Variants in DZANK1 observed in about 807,000 individuals in gnomAD.
The protein encoded by DZANK1 is double zinc ribbon and ankyrin repeat domains 1.
Under a neutral mutation model 94.5 loss-of-function variants are expected in DZANK1, and 91 were observed. The ratio of observed to expected loss-of-function variants is 0.96; its 90% CI spans 0.81 to 1.15. The LOEUF (loss-of-function observed/expected upper bound fraction) is 1.15. Among genes scored for constraint, DZANK1 ranks in the 50% most tolerant of loss-of-function variants. DZANK1 has a pLI of 0.00. For missense variants in DZANK1, 903 were observed against 916.4 expected (o/e 0.99, Z 0.19); for synonymous variants, 312 against 325.3 (o/e 0.96, Z 0.44).
At chr20:18,385,478 T>G (rs2048427704) in intron 19 of DZANK1, among the ~76,000 whole-genome samples, 1 of 151,328 alleles carries the variant, frequency 6.6e-6, no homozygotes, top group Admixed American at 6.6e-5. Flanking sequence ...TGCAGTGGTG[T>G]GATCTCGGCT....
intron 3 of DZANK1, among the ~76,000 whole-genome samples, chr20:18,456,908 C>G (rs894526436): frequency 7.9e-5 from 12 of 152,110 alleles, no homozygotes; most frequent in African/African-American, 2.9e-4. Context: ...GTTTTCATTT[C>G]TCTTCAATAG....
At chr20:18,414,790 T>C (rs1033137294) in intron 11 of DZANK1, among the ~76,000 whole-genome samples, 5 of 152,224 alleles carry the variant, frequency 3.3e-5, no homozygotes, top group African/African-American at 7.2e-5. Flanking sequence ...CAATGGATTA[T>C]GAAGTCACTG....
chr20:18,438,339 T>C (rs1203024203), intron 8 of DZANK1, among the ~76,000 whole-genome samples: 2 of 149,512 alleles, frequency 1.3e-5, no homozygotes, highest in East Asian at 4.1e-4. Context: ...TTTAACCACA[T>C]CAATAATGAC....
chr20:18,419,333 A>T (rs2057655014), intron 10 of DZANK1, among the ~76,000 whole-genome samples: 1 of 152,196 alleles, frequency 6.6e-6, no homozygotes, highest in Non-Finnish European at 1.5e-5. Context: ...ACAGGTGTGT[A>T]CATGGACTTC....
At chr20:18,388,025 G>C (rs866215022) in intron 19 of DZANK1, among the ~76,000 whole-genome samples, 1 of 152,220 alleles carries the variant, frequency 6.6e-6, no homozygotes, top group Non-Finnish European at 1.5e-5. Context: ...CTATGGGGCA[G>C]AGGCTGGGCT....
At chr20:18,450,921 A>G (rs78071451) in intron 6 of DZANK1, among the ~76,000 whole-genome samples, 174 of 152,270 alleles carry the variant, frequency 1.1e-3, no homozygotes, top group African/African-American at 4.0e-3. Flanking sequence ...AGTAGTAAGA[A>G]TGCACTGATA....
chr20:18,414,530 T>C lies in DZANK1; in HGVS notation c.1078-18A>G, dbSNP rs1206008245. On this transcript the variant is annotated intron_variant, in intron 11 of 20. Coordinates refer to ENST00000262547, the Ensembl canonical transcript of DZANK1. The stretch of plus-strand genomic sequence containing the variant: ...ATGCCGAGCTAGAGGATAGAAAATA[T>C]CTTGATGAATATTAGAGTTATAATT... 2 of 1,575,514 alleles carry C rather than the reference T, an allele frequency of 1.3e-6. No individual in the cohort carries two copies. The highest frequency in any genetic ancestry group is 1.9e-5 in the Admixed American group (1 of 53,400).
At chr20:18,454,064 G>A (rs532903336) in intron 4 of DZANK1, 2 of 603,326 alleles carry the variant, frequency 3.3e-6, no homozygotes, top group South Asian at 2.9e-5. Flanking sequence ...GGCCAAGGCA[G>A]GAGGCAGGGA....
chr20:18,465,200 GA>G (rs1249619028), intron 2 of DZANK1, 49 bp downstream of exon 2: 3 of 1,244,268 alleles, frequency 2.4e-6, no homozygotes, highest in Non-Finnish European at 3.4e-6. Flanking sequence ...GATAACACAA[GA>G]AATATGACAA....
chr20:18,431,954 C>T (rs1403178922), intron 9 of DZANK1, among the ~76,000 whole-genome samples: 1 of 152,086 alleles, frequency 6.6e-6, no homozygotes, highest in Non-Finnish European at 1.5e-5. Flanking sequence ...CAAATTATTC[C>T]TATTATAACT....
intron 13 of DZANK1, among the ~76,000 whole-genome samples, chr20:18,410,989 T>TA (rs2057226883): frequency 6.6e-6 from 1 of 152,086 alleles, no homozygotes; most frequent in African/African-American, 2.4e-5. Flanking sequence ...ACACCAAACT[T>TA]ATGGGACGCA....
rs2058982721 is a variant in DZANK1 at position 18,448,845 on chromosome 20, T to A, written c.629+139A>T. On this transcript the variant is annotated intron_variant, in intron 7 of 20. Coordinates refer to ENST00000262547, the Ensembl canonical transcript of DZANK1. Reference sequence around the variant, plus strand: ...CTGCACCACCGCACTCCAGCCAGGGTGACAGAGTGAGACTCCGTCTCAAAA... The same window carrying A: ...CTGCACCACCGCACTCCAGCCAGGGAGACAGAGTGAGACTCCGTCTCAAAA... 7.5e-6 allele frequency: 5 copies of A among 665,664 alleles called. 1 individual carries two copies. The highest frequency in any genetic ancestry group is 1.2e-5 in the Non-Finnish European group (5 of 415,312). The allele number at this position is 665,664 out of a possible 1,614,324, so 41.2% of individuals were successfully genotyped here.
At chr20:18,437,051 A>G (rs1288766951) in intron 8 of DZANK1, among the ~76,000 whole-genome samples, 2 of 152,330 alleles carry the variant, frequency 1.3e-5, no homozygotes, top group East Asian at 3.9e-4. Flanking sequence ...TCAGGCTGAA[A>G]GGAAATGACA....
intron 19 of DZANK1, among the ~76,000 whole-genome samples, chr20:18,386,314 G>C (rs1200172387): frequency 6.6e-6 from 1 of 152,160 alleles, no homozygotes; most frequent in Non-Finnish European, 1.5e-5. Context: ...TATACACAGA[G>C]TTACCAGTCA....
chr20:18,394,667 C>T (rs781555830), intron 15 of DZANK1: 16 of 565,748 alleles, frequency 2.8e-5, no homozygotes, highest in Non-Finnish European at 4.5e-5. Context: ...TGTGGCTGTC[C>T]CAGTCACCTT....
chr20:18,421,397 C>T (rs2057772957), intron 10 of DZANK1: 1 of 153,582 alleles, frequency 6.5e-6, no homozygotes, highest in South Asian at 2.1e-4. Context: ...AAAATAAGAA[C>T]CACAAAGTGG....
intron 8 of DZANK1, among the ~76,000 whole-genome samples, chr20:18,442,453 C>T (rs1371249845): frequency 6.6e-6 from 1 of 152,130 alleles, no homozygotes; most frequent in African/African-American, 2.4e-5. Context: ...TATTTAAAAT[C>T]GACTCCCACC....
intron 9 of DZANK1, among the ~76,000 whole-genome samples, chr20:18,428,957 C>T (rs2058173395): frequency 6.6e-6 from 1 of 152,226 alleles, no homozygotes; most frequent in Non-Finnish European, 1.5e-5. Context: ...GGCCAACTGA[C>T]TGCTATTAAA....
At chr20:18,386,758 T>A (rs972040540) in intron 19 of DZANK1, among the ~76,000 whole-genome samples, 1 of 152,072 alleles carries the variant, frequency 6.6e-6, no homozygotes, top group Non-Finnish European at 1.5e-5. Context: ...TAGAACAAAT[T>A]TTTCCTAACC....
Sources: allele counts gnomAD v4.1 joint callset (sites outside exome capture counted in the v4.1 genomes callset), GRCh38; gene constraint gnomAD v4.1.1; transcripts MANE v1.5; gene names NCBI Gene and HGNC (gene_info 2026-07-23, HGNC 2026-07-21).